NPHP4: variants seen among roughly 807,000 people sequenced by gnomAD.
The protein encoded by NPHP4 is nephrocystin-4.
A neutral mutation model predicts 155.8 loss-of-function variants in NPHP4; 151 were observed. That is an observed-to-expected ratio of 0.97 (90% CI 0.85 to 1.11). NPHP4 has a LOEUF of 1.11. NPHP4 is among the 50% of genes least tolerant of loss of function. The pLI is 0.00. For missense variants in NPHP4, 1,956 were observed against 1,925.7 expected (o/e 1.02, Z -0.29); for synonymous variants, 845 against 816.8 (o/e 1.03, Z -0.59).
chr1:5,928,036 C>T (rs1183039758), intron 10 of NPHP4, among the ~76,000 whole-genome samples: 2 of 152,160 alleles, frequency 1.3e-5, no homozygotes, highest in Non-Finnish European at 2.9e-5. Context: ...CAATCTCTCT[C>T]GAGTTGTGAA....
intron 9 of NPHP4, among the ~76,000 whole-genome samples, chr1:5,942,740 C>T (rs1570557091): frequency 6.6e-6 from 1 of 152,148 alleles, no homozygotes; most frequent in African/African-American, 2.4e-5. Flanking sequence ...GACCCTGGAA[C>T]ATGGGCCATT....
At position 5,893,879 on chromosome 1, in the gene NPHP4, T is replaced by C. The variant is rs189456832; in HGVS notation, c.2144-2851A>G. ...ATCAAGGAGCCCTCTGGTGGCCCTG[T>C]CTGGGCATAACAGAAGGCTCACACT... On this transcript the variant is annotated intron_variant, in intron 16 of 29. Coordinates refer to ENST00000378156, the MANE Select transcript of NPHP4 (RefSeq NM_015102.5). Among the ~76,000 whole-genome samples, 260 of 152,360 alleles carry C rather than the reference T, an allele frequency of 1.7e-3. 1 individual carries two copies. Among genetic ancestry groups the C allele is most frequent in the African/African-American group, 6.1e-3 (253 of 41,588 alleles).
In NPHP4 at chr1:5,867,174, G is replaced by A. The variant is rs561893944; in HGVS notation, c.3473-59C>T. On this transcript the variant is annotated intron_variant, in intron 24 of 29. Coordinates refer to ENST00000378156, the MANE Select transcript of NPHP4 (RefSeq NM_015102.5). The surrounding 1 kb of genome is among the most constrained non-coding windows in gnomAD (Gnocchi z 4.1). ...CCACAGCCCCAGCCTGTGTGGAGAA[G>A]GCCCCACACATTACACACTATAGGA... The A allele has an allele frequency of 4.6e-6, 6 of 1,301,122 alleles. No homozygotes were observed. The South Asian group carries it at 6.3e-5, about 14-fold the overall frequency. 80.6% of individuals were successfully genotyped at this position (1,301,122 alleles called of 1,614,324 possible).
chr1:5,899,042 C>T (rs1211582462), intron 16 of NPHP4, among the ~76,000 whole-genome samples: 2 of 152,186 alleles, frequency 1.3e-5, no homozygotes, highest in African/African-American at 4.8e-5. Flanking sequence ...ACGTGACTGG[C>T]GAGGACATGG....
At chr1:5,967,602 G>C (rs1651770099) in intron 4 of NPHP4, among the ~76,000 whole-genome samples, 1 of 152,202 alleles carries the variant, frequency 6.6e-6, no homozygotes, top group South Asian at 2.1e-4. Flanking sequence ...GAATTGAGGA[G>C]CTTTCCTGGA....
At chr1:5,920,732 A>C (rs1645702404) in intron 11 of NPHP4, among the ~76,000 whole-genome samples, 1 of 152,140 alleles carries the variant, frequency 6.6e-6, no homozygotes, top group Admixed American at 6.5e-5. Context: ...CCTTCTTTCT[A>C]ATCTTCTCAT....
At chr1:5,866,842 G>GA (rs943525173) in intron 25 of NPHP4, among the ~76,000 whole-genome samples, 188 bp downstream of exon 25, 1 of 152,136 alleles carries the variant, frequency 6.6e-6, no homozygotes, top group Non-Finnish European at 1.5e-5. Context: ...TCTGCTAGTA[G>GA]AAAAAATAAA....
chr1:5,977,308 T>C (rs2102354582), intron 3 of NPHP4, among the ~76,000 whole-genome samples: 1 of 152,166 alleles, frequency 6.6e-6, no homozygotes, highest in South Asian at 2.1e-4. Context: ...CCTCTCGTCC[T>C]AACACCCCTG....
intron 26 of NPHP4, chr1:5,866,051 G>A (rs1459049437): frequency 2.5e-6 from 1 of 404,410 alleles, no homozygotes; most frequent in Non-Finnish European, 4.7e-6. Flanking sequence ...GTTCAGCCTA[G>A]GGACTCAGCA....
intron 27 of NPHP4, 72 bp downstream of exon 27, chr1:5,865,030 G>C: frequency 6.7e-7 from 1 of 1,499,400 alleles, no homozygotes; most frequent in South Asian, 1.1e-5. Context: ...CTGTGCTCCA[G>C]CTGAATGCCC....
intron 3 of NPHP4, among the ~76,000 whole-genome samples, chr1:5,973,596 A>T (rs1652987497): frequency 6.6e-6 from 1 of 152,186 alleles, no homozygotes; most frequent in African/African-American, 2.4e-5. Context: ...CTTAGAAAAG[A>T]AAGATCCCAC....
At chr1:5,869,237 A>G (rs1045460723) in intron 23 of NPHP4, among the ~76,000 whole-genome samples, 1 of 128,354 alleles carries the variant, frequency 7.8e-6, no homozygotes, top group Non-Finnish European at 1.7e-5. Context: ...CCACATGCAC[A>G]CACACACACA....
At chr1:5,886,886 C>G (rs956699260) in intron 18 of NPHP4, 1 of 178,262 alleles carries the variant, frequency 5.6e-6, no homozygotes, top group African/African-American at 2.4e-5. Flanking sequence ...AGAAATGCGC[C>G]TCTTCACTCT....
At chr1:5,972,644 C>G (rs1652783702) in intron 3 of NPHP4, among the ~76,000 whole-genome samples, 2 of 152,222 alleles carry the variant, frequency 1.3e-5, no homozygotes, top group African/African-American at 4.8e-5. Context: ...ACTAAATACT[C>G]CAGCAGCACT....
At chr1:5,933,361 A>T (rs1309505710) in intron 9 of NPHP4, 32 bp from the exon 10 acceptor site, 3 of 1,582,506 alleles carry the variant, frequency 1.9e-6, no homozygotes, top group South Asian at 1.1e-5. Context: ...TCGGTGTATG[A>T]GTTATCACAG....
rs61760764 is a variant in NPHP4, at chr1:5,980,562, G to A, written c.136-2149C>T. 2.4e-3 allele frequency among the ~76,000 whole-genome samples: 366 copies of A among 152,292 alleles called. 5 individuals carry two copies. The highest frequency in any genetic ancestry group is 2.5e-3 in the Non-Finnish European group (167 of 68,020). ...ATTCCCGCAGCTGCCATGTGGGGGC[G>A]GGAGTGGAAGCAGGGGCCAATTAGG... On this transcript the variant is annotated intron_variant, in intron 2 of 29. Transcript: ENST00000378156.
rs1304005551 is a variant in NPHP4, at chr1:5,890,849, C to A, written c.2304+19G>T. ...GGGACGCAGCACCCACTGTGCCTGT[C>A]CTTCCAGAGAGCCGCTACCTTCATC... On this transcript the variant is annotated intron_variant, in intron 17 of 29. Coordinates refer to ENST00000378156, the MANE Select transcript of NPHP4 (RefSeq NM_015102.5). This position sits in a 1 kb window ranked among gnomAD's most constrained non-coding sequence, Gnocchi z 4.9. 1.9e-6 allele frequency: 3 copies of A among 1,602,674 alleles called. No homozygotes were observed. Among genetic ancestry groups the A allele is most frequent in the Admixed American group, 1.7e-5 (1 of 59,436 alleles).
intron 23 of NPHP4, among the ~76,000 whole-genome samples, chr1:5,871,861 A>G (rs522985): frequency 0.4 from 60,190 of 151,690 alleles, 11,896 homozygotes; most frequent in African/African-American, 0.46. Flanking sequence ...TGGGGGCAGC[A>G]ACAACAGCAT....
rs566566445 is a variant in NPHP4, at chr1:5,927,289, ACTT to A, written c.1441+357_1441+359del. 3.7e-3 allele frequency among the ~76,000 whole-genome samples: 559 copies of A among 152,294 alleles called. 8 individuals carry two copies. Among genetic ancestry groups the A allele is most frequent in the Non-Finnish European group, 3.0e-3 (201 of 68,016 alleles). ...CTTCAAGGTGAGTAGACAGACGGCT[ACTT>A]CAACAGTGCAAACGCAAGGTGGCGG... On this transcript the variant is annotated intron_variant, in intron 11 of 29. Transcript: ENST00000378156.
Sources: gnomAD v4.1 joint callset for allele counts (sites outside exome capture counted in the v4.1 genomes callset) on GRCh38, gnomAD v4.1.1 for gene constraint, Gnocchi (gnomAD v3.1) non-coding constraint, MANE v1.5 for transcripts, NCBI Gene and HGNC (gene_info 2026-07-23, HGNC 2026-07-21) for gene names.